The following ARNT2 variants were observed in gnomAD, a reference collection of about 807,000 sequenced individuals.
ARNT2 encodes aryl hydrocarbon receptor nuclear translocator 2.
In ARNT2, 36 loss-of-function variants were observed where a neutral mutation model predicts 91.7. The observed-to-expected ratio is 0.39, with a 90% CI of 0.30 to 0.52. The LOEUF (loss-of-function observed/expected upper bound fraction) is 0.52. ARNT2 is among the 20% of genes least tolerant of loss of function. The pLI is 0.72. For synonymous variants in ARNT2, 365 were observed against 347.1 expected, an observed-to-expected ratio of 1.05 and a Z score of -0.57; for missense variants, 775 against 939.3, an observed-to-expected ratio of 0.83 and a Z score of 2.29.
chr15:80,533,226 C>T (rs1360833499), intron 8 of ARNT2, among the ~76,000 whole-genome samples: 1 of 152,104 alleles, frequency 6.6e-6, no homozygotes, highest in Admixed American at 6.5e-5. Flanking sequence ...GGAAGGAACT[C>T]GTTTGGGAAC....
Position 80,508,198 on chromosome 15 carries a change from G to T in ARNT2, c.665G>T (p.Gly222Val). The T allele has an allele frequency of 1.2e-6, 2 of 1,614,126 alleles. No homozygotes were observed. The highest frequency in any genetic ancestry group is 1.7e-6 in the Non-Finnish European group (2 of 1,180,006). Residue 222 changes from glycine to valine, a missense_variant, in exon 6 of 19, where the codon GGG (glycine) becomes GTG (valine). Gly to Val is a moderately radical substitution (Grantham distance 109, BLOSUM62 -3). Around this residue, in one of 5 missense-constraint regions of ARNT2, gnomAD observed 285 missense variants for 327.2 expected, o/e 0.87. Coordinates refer to ENST00000303329, the MANE Select transcript of ARNT2 (RefSeq NM_014862.4). ...DLKTGTVKKE[G>V]QQSSMRMCMG... ...AAGACTGGGACGGTCAAGAAAGAAG[G>T]GCAGCAGTCATCCATGAGGATGTGC...
chr15:80,492,190 G>A (rs747484299), intron 5 of ARNT2, among the ~76,000 whole-genome samples: 22 of 152,124 alleles, frequency 1.4e-4, no homozygotes, highest in Non-Finnish European at 2.6e-4. Flanking sequence ...ACAGCCATGC[G>A]CCACCACGTC....
intron 6 of ARNT2, among the ~76,000 whole-genome samples, chr15:80,508,924 C>T (rs964655871): frequency 8.5e-5 from 13 of 152,190 alleles, no homozygotes; most frequent in African/African-American, 2.4e-4. Context: ...TCCAGTTCAG[C>T]ACCTCTGTAC....
intron 8 of ARNT2, among the ~76,000 whole-genome samples, chr15:80,529,429 C>T (rs1050196984): frequency 2.0e-5 from 3 of 152,164 alleles, no homozygotes; most frequent in Admixed American, 1.3e-4. Context: ...ATGCAAAGTA[C>T]CTACAGATCA....
At chr15:80,467,168 CA>C (rs36077363) in intron 3 of ARNT2, among the ~76,000 whole-genome samples, 95,102 of 151,912 alleles carry the variant, frequency 0.63, 32,010 homozygotes, top group East Asian at 0.78. Flanking sequence ...TCAGTCTGGC[CA>C]CAACATGAGG....
intron 5 of ARNT2, among the ~76,000 whole-genome samples, chr15:80,476,636 C>A (rs1896806931): frequency 6.6e-6 from 1 of 152,172 alleles, no homozygotes; most frequent in Non-Finnish European, 1.5e-5. Flanking sequence ...TCAGCAGAAG[C>A]CTGATGAATT....
intron 5 of ARNT2, among the ~76,000 whole-genome samples, chr15:80,506,552 A>G (rs1897278176): frequency 6.6e-6 from 1 of 152,176 alleles, no homozygotes; most frequent in Non-Finnish European, 1.5e-5. Flanking sequence ...TCACCAAACT[A>G]AGTTAGGATG....
chr15:80,419,369 G>A (rs116189878), intron 1 of ARNT2, among the ~76,000 whole-genome samples: 79 of 152,298 alleles, frequency 5.2e-4, no homozygotes, highest in African/African-American at 1.9e-3. Flanking sequence ...AGGATGGCTG[G>A]GCTCAATCGC....
At chr15:80,565,874 G>GTT (rs35650834) in intron 12 of ARNT2, among the ~76,000 whole-genome samples, 4 of 151,714 alleles carry the variant, frequency 2.6e-5, no homozygotes, top group Non-Finnish European at 4.4e-5. Flanking sequence ...GTGTTTGTTT[G>GTT]TTTTTTCTGT....
chr15:80,539,831 G>GTAT (rs1393273270), intron 8 of ARNT2, among the ~76,000 whole-genome samples: 1 of 150,832 alleles, frequency 6.6e-6, no homozygotes, highest in Non-Finnish European at 1.5e-5. Context: ...TCACAATGAG[G>GTAT]TATTATCTCA....
intron 8 of ARNT2, among the ~76,000 whole-genome samples, chr15:80,526,065 C>T (rs1209386219): frequency 1.3e-5 from 2 of 152,184 alleles, no homozygotes; most frequent in Non-Finnish European, 2.9e-5. Context: ...GTTGTACACT[C>T]GTTGTTCTTT....
At chr15:80,565,597 T>C (rs901038506) in intron 12 of ARNT2, among the ~76,000 whole-genome samples, 1 of 152,006 alleles carries the variant, frequency 6.6e-6, no homozygotes, top group Non-Finnish European at 1.5e-5. Flanking sequence ...TGGTATCTCA[T>C]TGTGGTTTTG....
At chr15:80,578,494 G>A (rs747372444) in intron 15 of ARNT2, among the ~76,000 whole-genome samples, 4 of 151,226 alleles carry the variant, frequency 2.6e-5, no homozygotes, top group African/African-American at 2.4e-5. Context: ...AGCAGCAGCC[G>A]TGGGGACCAT....
chr15:80,514,041 A>T, intron 7 of ARNT2, 65 bp downstream of exon 7: 2 of 1,471,536 alleles, frequency 1.4e-6, no homozygotes, highest in Non-Finnish European at 9.5e-7. Context: ...ACCCTAAGCT[A>T]AGCAGCCTAG....
chr15:80,449,949 A>C (rs888084530), intron 1 of ARNT2, among the ~76,000 whole-genome samples: 6 of 152,220 alleles, frequency 3.9e-5, no homozygotes, highest in African/African-American at 1.2e-4. Flanking sequence ...AGAAAAGCTA[A>C]CACTGTGGAA....
intron 8 of ARNT2, among the ~76,000 whole-genome samples, chr15:80,522,508 A>G (rs1275492289): frequency 6.6e-6 from 1 of 152,146 alleles, no homozygotes; most frequent in Non-Finnish European, 1.5e-5. Context: ...ACTTAAACAG[A>G]CGTAGGTGGT....
intron 9 of ARNT2, among the ~76,000 whole-genome samples, chr15:80,552,359 T>C (rs1011865713): frequency 2.6e-5 from 4 of 152,222 alleles, no homozygotes; most frequent in Admixed American, 6.5e-5. Context: ...TAACATGCAA[T>C]ATCCCTTTTA....
In ARNT2 at chr15:80,552,862, T is replaced by C. The variant is rs959246714; in HGVS notation, c.1089+88T>C. On this transcript the variant is annotated intron_variant, in intron 10 of 18. Transcript: ENST00000303329. ...TTACTTCATTTGAGATACAACACAA[T>C]GGCCATGTGGAGAAACATCATAAAG... 2.9e-5 allele frequency: 43 copies of C among 1,492,570 alleles called. 1 individual carries two copies. The South Asian group carries it at 4.9e-4, about 17-fold the overall frequency. The allele number at this position is 1,492,570 out of a possible 1,614,324, so 92.5% of individuals were successfully genotyped here.
At chr15:80,426,253 A>G (rs1166397497) in intron 1 of ARNT2, among the ~76,000 whole-genome samples, 2 of 152,140 alleles carry the variant, frequency 1.3e-5, no homozygotes, top group Non-Finnish European at 2.9e-5. Context: ...GAGAAATGTG[A>G]TTGGTTGCCT....
Sources: allele counts gnomAD v4.1 joint callset (sites outside exome capture counted in the v4.1 genomes callset), GRCh38; gene constraint gnomAD v4.1.1; regional missense constraint gnomAD v4.1.1; transcripts MANE v1.5; gene names NCBI Gene and HGNC (gene_info 2026-07-23, HGNC 2026-07-21).